MFHAS1: variants seen among roughly 807,000 people sequenced by gnomAD.
MFHAS1 encodes multifunctional ROCO family signaling regulator 1, also known as malignant fibrous histiocytoma-amplified sequence 1.
Under a neutral mutation model 70.4 loss-of-function variants are expected in MFHAS1, and 50 were observed. The observed-to-expected ratio is 0.71, with a 90% CI of 0.57 to 0.90. The LOEUF (loss-of-function observed/expected upper bound fraction) is 0.90, where lower values mean the gene tolerates loss of function less well. Among genes scored for constraint, MFHAS1 ranks in the 40% least tolerant of loss-of-function variants. The probability of loss-of-function intolerance (pLI) is 0.00; values close to 1 mark genes in which losing one functional copy is unlikely to be tolerated. For synonymous variants in MFHAS1, 952 were observed against 620.0 expected (o/e 1.54, Z -7.96); for missense variants, 1,795 against 1,347.6 (o/e 1.33, Z -5.20).
At chr8:8,850,351 G>A (rs1406237585) in intron 1 of MFHAS1, among the ~76,000 whole-genome samples, 1 of 152,042 alleles carries the variant, frequency 6.6e-6, no homozygotes, top group Non-Finnish European at 1.5e-5. Flanking sequence ...TAATAGCACT[G>A]ATACCCAATC....
chr8:8,854,317 C>A (rs1198514560), intron 1 of MFHAS1, among the ~76,000 whole-genome samples: 2 of 152,072 alleles, frequency 1.3e-5, no homozygotes, highest in South Asian at 2.1e-4. Context: ...GTCAGGAGAT[C>A]AAGACCATCC....
At chr8:8,809,378 C>T (rs141739639) in intron 1 of MFHAS1, among the ~76,000 whole-genome samples, 94 of 152,282 alleles carry the variant, frequency 6.2e-4, no homozygotes, top group African/African-American at 2.2e-3. Context: ...GATGCACACA[C>T]ACCCTGCCCT....
chr8:8,826,392 C>G (rs1042538345), intron 1 of MFHAS1, among the ~76,000 whole-genome samples: 4 of 152,024 alleles, frequency 2.6e-5, no homozygotes, highest in African/African-American at 9.7e-5. Context: ...TTGACAGATT[C>G]CCTGAAGGTC....
At chr8:8,834,002 T>G (rs1807506116) in intron 1 of MFHAS1, among the ~76,000 whole-genome samples, 4 of 152,098 alleles carry the variant, frequency 2.6e-5, no homozygotes, top group Admixed American at 2.6e-4. Context: ...GGTACATGTC[T>G]GTAATCCCAG....
In MFHAS1 at chr8:8,783,578, G is replaced by A. The variant is rs1486675114; in HGVS notation, c.*2444C>T. On this transcript the variant is annotated 3_prime_UTR_variant, in exon 3 of 3. Coordinates refer to ENST00000276282, the MANE Select transcript of MFHAS1 (RefSeq NM_004225.3). ...ACTGTCATTTTTTTTTTCTTAGAAG[G>A]GGGAAAAACATTTATTTTGGCAGTG... 6.6e-6 allele frequency: 1 copy of A among 151,966 alleles called. No homozygotes were observed. Among genetic ancestry groups the A allele is most frequent in the African/African-American group, 2.4e-5 (1 of 41,344 alleles). 9.4% of individuals were successfully genotyped at this position (151,966 alleles called of 1,614,324 possible).
chr8:8,795,952 C>A (rs1805877591), intron 2 of MFHAS1, among the ~76,000 whole-genome samples: 1 of 152,174 alleles, frequency 6.6e-6, no homozygotes, highest in Non-Finnish European at 1.5e-5. Flanking sequence ...GAATACTATG[C>A]TGGAGAAATC....
rs144223026 is a variant in MFHAS1 at position 8,890,416 on chromosome 8, C to A, written c.2643G>T (p.Gln881His). 2.9e-5 allele frequency: 47 copies of A among 1,613,908 alleles called. No homozygotes were observed. In the African/African-American group the frequency reaches 5.6e-4, roughly 19 times the overall value. The change falls in exon 1 of 3, where the codon CAG becomes CAT. Residue 881 changes from glutamine (Q) to histidine (H), a missense_variant. Coordinates refer to ENST00000276282, the MANE Select transcript of MFHAS1 (RefSeq NM_004225.3). ...AGQSFVAEQL[Q>H]IEYSFPFTFP... Reference sequence around the variant, plus strand: ...AAGTAAAAGGAAAGCTATATTCAATCTGCAACTGCTCAGCCACAAAAGACT... The same window carrying A: ...AAGTAAAAGGAAAGCTATATTCAATATGCAACTGCTCAGCCACAAAAGACT...
intron 1 of MFHAS1, among the ~76,000 whole-genome samples, chr8:8,825,014 T>C (rs1426992453): frequency 6.6e-6 from 1 of 152,196 alleles, no homozygotes; most frequent in African/African-American, 2.4e-5. Flanking sequence ...AGGAAGGGAA[T>C]AGAGGCAGTA....
chr8:8,804,324 T>A (rs1806203162), intron 1 of MFHAS1, among the ~76,000 whole-genome samples: 1 of 152,144 alleles, frequency 6.6e-6, no homozygotes, highest in South Asian at 2.1e-4. Flanking sequence ...TGTAAGGAAA[T>A]TTCCATTTTC....
chr8:8,879,643 G>A (rs1258656279), intron 1 of MFHAS1, among the ~76,000 whole-genome samples: 1 of 152,096 alleles, frequency 6.6e-6, no homozygotes, highest in African/African-American at 2.4e-5. Context: ...AAAAGCCAGG[G>A]TTCCCCCCAA....
rs566334709 is a variant in MFHAS1 at position 8,804,951 on chromosome 8, T to TA, written c.2999-7461dup. On this transcript the variant is annotated intron_variant, in intron 1 of 2. Coordinates refer to ENST00000276282, the MANE Select transcript of MFHAS1 (RefSeq NM_004225.3). ...GCTTGCTAATTACATAAAGCTTTGTTAAAATTATTTTTTGGTTTGAAAGAT... is the reference window on the plus strand; with the variant it reads ...GCTTGCTAATTACATAAAGCTTTGTTAAAAATTATTTTTTGGTTTGAAAGAT... Among the ~76,000 whole-genome samples the TA allele has an allele frequency of 3.3e-3, 502 of 152,332 alleles. 2 individuals are homozygous for TA. The highest frequency in any genetic ancestry group is 5.5e-3 in the Non-Finnish European group (375 of 68,028).
At chr8:8,822,505 G>C (rs1213629121) in intron 1 of MFHAS1, among the ~76,000 whole-genome samples, 1 of 150,140 alleles carries the variant, frequency 6.7e-6, no homozygotes, top group East Asian at 2.0e-4. Context: ...CAGGGGGACT[G>C]AGATGGGGAC....
chr8:8,833,007 G>C (rs28823269), intron 1 of MFHAS1, among the ~76,000 whole-genome samples: 17,642 of 152,060 alleles, frequency 0.12, 1,085 homozygotes, highest in Middle Eastern at 0.15. Flanking sequence ...GCTTCTAGGA[G>C]GGCCTCAACG....
At chr8:8,845,406 G>C (rs1204053941) in intron 1 of MFHAS1, among the ~76,000 whole-genome samples, 1 of 152,162 alleles carries the variant, frequency 6.6e-6, no homozygotes, top group Non-Finnish European at 1.5e-5. Context: ...GAGCATACCG[G>C]GTAGTGAAAC....
intron 1 of MFHAS1, among the ~76,000 whole-genome samples, chr8:8,869,454 T>G (rs1239636782): frequency 6.6e-6 from 1 of 152,088 alleles, no homozygotes; most frequent in Non-Finnish European, 1.5e-5. Context: ...CGGTGACAGG[T>G]TACTAGATAT....
chr8:8,848,769 G>A (rs1449475039), intron 1 of MFHAS1, among the ~76,000 whole-genome samples: 2 of 152,202 alleles, frequency 1.3e-5, no homozygotes, highest in African/African-American at 4.8e-5. Context: ...GCTATGGCAA[G>A]CAGTCGGCCC....
chr8:8,859,713 T>A (rs1808589841), intron 1 of MFHAS1, among the ~76,000 whole-genome samples: 1 of 152,220 alleles, frequency 6.6e-6, no homozygotes, highest in South Asian at 2.1e-4. Flanking sequence ...ATTGTAAGAA[T>A]ATAGTATCTA....
chr8:8,797,260 T>C (rs1805936796), intron 2 of MFHAS1, 105 bp downstream of exon 2: 2 of 1,338,732 alleles, frequency 1.5e-6, no homozygotes, highest in Non-Finnish European at 2.0e-6. Flanking sequence ...AGGAGGACTT[T>C]GCAAGGTTTG....
Position 8,892,451 on chromosome 8 carries a change from A to G in MFHAS1, c.608T>C (p.Leu203Pro). The change falls in exon 1 of 3, where the codon CTG becomes CCG. Residue 203 changes from leucine (L) to proline (P), a missense_variant. Physicochemically the swap from Leu to Pro is moderately conservative, Grantham distance 98. Transcript: ENST00000276282. This position sits in a 1 kb window ranked among gnomAD's most constrained non-coding sequence, Gnocchi z 4.7. ...CACGTCCAGCTCCTCCAGGGCCACC[A>G]GCTGCAGCAGCTGCCGGGGGAAGGC... ...LTAFPRQLLQ[L>P]VALEELDVSS... 1 of 1,610,020 alleles carries G rather than the reference A, an allele frequency of 6.2e-7. No homozygotes were observed. Among genetic ancestry groups the G allele is most frequent in the South Asian group, 1.1e-5 (1 of 90,600 alleles).
Sources: gnomAD v4.1 joint callset for allele counts (sites outside exome capture counted in the v4.1 genomes callset) on GRCh38, gnomAD v4.1.1 for gene constraint, Gnocchi (gnomAD v3.1) non-coding constraint, MANE v1.5 for transcripts, NCBI Gene and HGNC (gene_info 2026-07-23, HGNC 2026-07-21) for gene names.